TMEM51: variants seen among roughly 807,000 people sequenced by gnomAD.
TMEM51 encodes chromosome 1 open reading frame 72.
In TMEM51, 8 loss-of-function variants were observed where a neutral mutation model predicts 13.6. That is an observed-to-expected ratio of 0.59 (90% CI 0.35 to 1.07). The LOEUF is 1.07. Ranked by LOEUF, TMEM51 falls within the 50% of genes least tolerant of loss-of-function variation. TMEM51 has a pLI of 0.02. For synonymous variants in TMEM51, 147 were observed against 144.4 expected (o/e 1.02, Z -0.13); for missense variants, 279 against 330.7 (o/e 0.84, Z 1.21).
intron 1 of TMEM51, among the ~76,000 whole-genome samples, chr1:15,201,104 G>C (rs59069064): frequency 6.6e-6 from 1 of 152,158 alleles, no homozygotes; most frequent in Non-Finnish European, 1.5e-5. Flanking sequence ...GGAGTGAGTC[G>C]TGTCTAGTTT....
intron 3 of TMEM51, among the ~76,000 whole-genome samples, chr1:15,216,185 G>C (rs1016988290): frequency 3.3e-5 from 5 of 152,204 alleles, no homozygotes; most frequent in Non-Finnish European, 7.3e-5. Context: ...CTTCACCCCA[G>C]CATGCTGTGT....
chr1:15,213,536 TGCTCCTCCTCCTC>T (rs1644375044), intron 2 of TMEM51, among the ~76,000 whole-genome samples: 2 of 152,176 alleles, frequency 1.3e-5, no homozygotes, highest in African/African-American at 4.8e-5. Flanking sequence ...GGGCATTGCT[TGCTCCTCCTCCTC>T]AGTCCTTGAG....
At chr1:15,209,318 A>AATTTT (rs1644300970) in intron 1 of TMEM51, among the ~76,000 whole-genome samples, 1 of 151,772 alleles carries the variant, frequency 6.6e-6, no homozygotes, top group African/African-American at 2.4e-5. Context: ...GCTAGTCTCG[A>AATTTT]ACTCCTGAGC....
chr1:15,183,918 G>T (rs905911892), intron 1 of TMEM51, among the ~76,000 whole-genome samples: 3 of 152,190 alleles, frequency 2.0e-5, no homozygotes, highest in Non-Finnish European at 2.9e-5. Flanking sequence ...GGCCGCAGCC[G>T]CTCATTTCAA....
chr1:15,200,407 CAAAAAAAAAAAAA>C (rs55755539), intron 1 of TMEM51, among the ~76,000 whole-genome samples: 3 of 67,964 alleles, frequency 4.4e-5, no homozygotes, highest in Admixed American at 1.9e-4. Flanking sequence ...GACTCTGTCT[CAAAAAAAAAAAAA>C]AAAAAAAAAA....
chr1:15,164,421 T>G (rs551903393), intron 1 of TMEM51: 1 of 456,118 alleles, frequency 2.2e-6, no homozygotes, highest in African/African-American at 2.0e-5. Flanking sequence ...CCTGATGTCT[T>G]CTCGTGACTG....
intron 1 of TMEM51, 44 bp downstream of exon 1, chr1:15,153,998 C>G (rs7553381): frequency 6.6e-5 from 10 of 152,242 alleles, no homozygotes; most frequent in African/African-American, 2.4e-4. Flanking sequence ...CTTCCCGCGG[C>G]GCGCTGTCGG....
chr1:15,191,574 C>T (rs1194999874), intron 1 of TMEM51, among the ~76,000 whole-genome samples: 1 of 152,216 alleles, frequency 6.6e-6, no homozygotes, highest in Non-Finnish European at 1.5e-5. Flanking sequence ...CACAGACACT[C>T]AGGCCCAGAG....
intron 3 of TMEM51, among the ~76,000 whole-genome samples, chr1:15,218,022 G>T (rs1644456532): frequency 6.6e-6 from 1 of 152,216 alleles, no homozygotes; most frequent in Middle Eastern, 3.2e-3. Flanking sequence ...TCCTAAAGGA[G>T]GGTGGGAGGA....
At chr1:15,181,960 A>G (rs1359902812) in intron 1 of TMEM51, among the ~76,000 whole-genome samples, 1 of 152,098 alleles carries the variant, frequency 6.6e-6, no homozygotes, top group Non-Finnish European at 1.5e-5. Context: ...CAGGAGTTCA[A>G]GACCAGCCTG....
intron 1 of TMEM51, chr1:15,168,803 G>A (rs971970144): frequency 1.0e-5 from 13 of 1,288,632 alleles, no homozygotes; most frequent in East Asian, 5.6e-5. Context: ...GAAGAGTTTA[G>A]GGGAATTCCT....
chr1:15,181,213 G>C (rs999140999), intron 1 of TMEM51, among the ~76,000 whole-genome samples: 1 of 152,202 alleles, frequency 6.6e-6, no homozygotes, highest in Admixed American at 6.5e-5. Flanking sequence ...TGAGTCAATA[G>C]ATGTAAGGCA....
chr1:15,176,049 C>T (rs1469860993), intron 1 of TMEM51, among the ~76,000 whole-genome samples: 1 of 152,192 alleles, frequency 6.6e-6, no homozygotes, highest in Admixed American at 6.5e-5. Context: ...TTCCAGACAT[C>T]TTGTGATAGG....
At chr1:15,180,674 C>G (rs994625021) in intron 1 of TMEM51, among the ~76,000 whole-genome samples, 2 of 152,218 alleles carry the variant, frequency 1.3e-5, no homozygotes, top group Non-Finnish European at 2.9e-5. Flanking sequence ...CCTAACCTCT[C>G]TGAGGCTCAG....
intron 1 of TMEM51, chr1:15,192,283 T>C (rs1643939037): frequency 5.4e-6 from 2 of 368,030 alleles, no homozygotes; most frequent in Non-Finnish European, 1.1e-5. Flanking sequence ...AGGGAGTTGA[T>C]TGAATAAGGT....
intron 1 of TMEM51, among the ~76,000 whole-genome samples, chr1:15,174,228 T>C (rs1331128268): frequency 6.6e-6 from 1 of 152,186 alleles, no homozygotes; most frequent in African/African-American, 2.4e-5. Flanking sequence ...GTAGCCTTCG[T>C]TGATAGAATC....
chr1:15,152,750 G>C (rs1332660250), upstream of TMEM51: 1 of 138,578 alleles, frequency 7.2e-6, no homozygotes, highest in East Asian at 2.5e-4. Flanking sequence ...GCAGTTCCGA[G>C]GGCAGATCTC....
upstream of TMEM51, chr1:15,152,849 G>A (rs1011131246): frequency 3.9e-5 from 6 of 152,324 alleles, no homozygotes; most frequent in Admixed American, 6.5e-5. Context: ...TGGCGGCTCC[G>A]GGCCTCCGTG....
In TMEM51 at chr1:15,207,222, C is replaced by T. The variant is rs1435540689; in HGVS notation, c.-266-3268C>T. Among the ~76,000 whole-genome samples, 5 of 152,148 alleles carry T rather than the reference C, an allele frequency of 3.3e-5. No homozygotes were observed. The highest frequency in any genetic ancestry group is 4.1e-4 in the South Asian group (2 of 4,824). On this transcript the variant is annotated intron_variant, in intron 1 of 3. Transcript: ENST00000376008. The surrounding 1 kb of genome is among the most constrained non-coding windows in gnomAD (Gnocchi z 4.6). ...CATGGGGGTTGGTAGCACCGCCAGC[C>T]GCCTCCGACTGGCAAGACCTCCTCC... is the stretch of plus-strand genomic sequence containing the variant.
Sources: allele counts gnomAD v4.1 joint callset (sites outside exome capture counted in the v4.1 genomes callset), GRCh38; gene constraint gnomAD v4.1.1; non-coding constraint Gnocchi (gnomAD v3.1); transcripts MANE v1.5; gene names NCBI Gene and HGNC (gene_info 2026-07-23, HGNC 2026-07-21).